The following ATP13A3 variants were observed in gnomAD, a reference collection of about 807,000 sequenced individuals.
The protein encoded by ATP13A3 is ATPase 13A3, also known as polyamine-transporting ATPase 13A3.
A neutral mutation model predicts 158.1 loss-of-function variants in ATP13A3; 59 were observed. The observed-to-expected ratio is 0.37, with a 90% confidence interval of 0.30 to 0.46. ATP13A3 has a LOEUF of 0.46. ATP13A3 is among the 20% of genes least tolerant of loss of function. The pLI is 1.00. For synonymous variants in ATP13A3, 491 were observed against 504.3 expected (o/e 0.97, Z 0.35); for missense variants, 1,166 against 1,525.2 (o/e 0.76, Z 3.92).
At chr3:194,428,766 A>G in intron 28 of ATP13A3, 79 bp downstream of exon 28, 3 of 964,794 alleles carry the variant, frequency 3.1e-6, no homozygotes, top group Non-Finnish European at 3.2e-6. Context: ...ACAATTGTTG[A>G]TGTAAATTTA....
In ATP13A3 at chr3:194,419,139, G is replaced by A. The variant is rs140324597; in HGVS notation, c.3402+740C>T. Among the ~76,000 whole-genome samples the A allele has an allele frequency of 5.2e-3, 796 of 152,228 alleles. 9 individuals are homozygous for A. The highest frequency in any genetic ancestry group is 0.018 in the African/African-American group (745 of 41,534). ...TATACAGCAATGAAAATAAAATAATGTATCAACAAACAATGTTGATGGGAG... is the reference window on the plus strand; with the variant it reads ...TATACAGCAATGAAAATAAAATAATATATCAACAAACAATGTTGATGGGAG... On this transcript the variant is annotated intron_variant, in intron 31 of 33. Coordinates refer to ENST00000645319, the MANE Select transcript of ATP13A3 (RefSeq NM_001367549.1).
chr3:194,417,108 C>T (rs550590197), intron 31 of ATP13A3, among the ~76,000 whole-genome samples: 13 of 152,140 alleles, frequency 8.5e-5, no homozygotes, highest in Non-Finnish European at 1.6e-4. Context: ...CTAATAGTTC[C>T]GAAAGGGCTT....
rs1013494051 is a variant in ATP13A3 at position 194,403,513 on chromosome 3, A to C, written c.*2406T>G. On this transcript the variant is annotated 3_prime_UTR_variant, in exon 34 of 34. Coordinates refer to ENST00000645319, the MANE Select transcript of ATP13A3 (RefSeq NM_001367549.1). ...AAAAGTTAAAAAGTTACATATCATT[A>C]TTTAACAATTACTTTCCCAGACATT... The C allele has an allele frequency of 1.3e-5, 2 of 152,258 alleles. No homozygotes were observed. The highest frequency in any genetic ancestry group is 2.9e-5 in the Non-Finnish European group (2 of 68,044). The allele number at this position is 152,258 out of a possible 1,614,324, so 9.4% of individuals were successfully genotyped here. A position where few individuals can be genotyped will look rare whatever the true frequency, so the allele number is the denominator to read the frequency against.
At chr3:194,483,911 T>C (rs1358987930) in intron 2 of ATP13A3, among the ~76,000 whole-genome samples, 1 of 152,196 alleles carries the variant, frequency 6.6e-6, no homozygotes, top group East Asian at 1.9e-4. Flanking sequence ...GAGAAAAGGA[T>C]GAGTACAACA....
At chr3:194,414,981 G>A (rs528743430) in intron 31 of ATP13A3, among the ~76,000 whole-genome samples, 5 of 152,294 alleles carry the variant, frequency 3.3e-5, no homozygotes, top group African/African-American at 1.2e-4. Context: ...GACTCTAGGG[G>A]ATATCACCAG....
chr3:194,449,160 C>G (rs1370623592), intron 11 of ATP13A3, among the ~76,000 whole-genome samples: 3 of 151,766 alleles, frequency 2.0e-5, no homozygotes, highest in Non-Finnish European at 4.4e-5. Flanking sequence ...CTCAAACAAC[C>G]ACAAACAGCC....
chr3:194,459,182 C>T, intron 6 of ATP13A3: 1 of 352,764 alleles, frequency 2.8e-6, no homozygotes, highest in South Asian at 3.1e-5. Context: ...ATGAGGTATA[C>T]TCAAAATCAC....
intron 7 of ATP13A3, 138 bp from the exon 8 acceptor site, chr3:194,456,100 C>A: frequency 2.0e-6 from 1 of 498,566 alleles, no homozygotes. Flanking sequence ...ATAATTCAAA[C>A]TCTCTACCTA....
chr3:194,479,860 T>C (rs150852654), intron 2 of ATP13A3, among the ~76,000 whole-genome samples: 1 of 152,098 alleles, frequency 6.6e-6, no homozygotes, highest in Non-Finnish European at 1.5e-5. Context: ...GAAAACAGAC[T>C]GCAAACACAC....
chr3:194,478,937 C>T (rs1261428916), intron 2 of ATP13A3, among the ~76,000 whole-genome samples: 1 of 152,134 alleles, frequency 6.6e-6, no homozygotes. Flanking sequence ...CCAACACAGT[C>T]CTAAAGGCAT....
chr3:194,448,088 T>G lies in ATP13A3; in HGVS notation c.1151-79A>C. 7.1e-7 allele frequency: 1 copy of G among 1,401,526 alleles called. No individual in the cohort carries two copies. The highest frequency in any genetic ancestry group is 9.9e-7 in the Non-Finnish European group (1 of 1,007,316). The allele number at this position is 1,401,526 out of a possible 1,614,324, so 86.8% of individuals were successfully genotyped here. A position where few individuals can be genotyped will look rare whatever the true frequency, so the allele number is the denominator to read the frequency against. On this transcript the variant is annotated intron_variant, in intron 12 of 33. Coordinates refer to ENST00000645319, the MANE Select transcript of ATP13A3 (RefSeq NM_001367549.1). The surrounding 1 kb of genome is among the most constrained non-coding windows in gnomAD (Gnocchi z 4.0). ...CTCCCAAAACAGAATCTCTCTTTTTTTTTTTTTGAGACAGAGTCTCGCTCT... is the reference window on the plus strand; with the variant it reads ...CTCCCAAAACAGAATCTCTCTTTTTGTTTTTTTGAGACAGAGTCTCGCTCT...
In ATP13A3 at chr3:194,455,962, TC is replaced by T; in HGVS notation, c.561-1del. On this transcript the variant is annotated splice_acceptor_variant, in intron 7 of 33. Transcript: ENST00000645319. LOFTEE classifies it high-confidence loss of function. ...TTTCATTTACTCCATAAAGCAGTTT[TC>T]TATAACAGGAAAATACATTCATAGT... 6.6e-7 allele frequency: 1 copy of T among 1,515,838 alleles called. No homozygotes were observed. The highest frequency in any genetic ancestry group is 9.0e-7 in the Non-Finnish European group (1 of 1,116,020). The allele number at this position is 1,515,838 out of a possible 1,614,324, so 93.9% of individuals were successfully genotyped here. A position where few individuals can be genotyped will look rare whatever the true frequency, so the allele number is the denominator to read the frequency against.
chr3:194,449,582 G>T (rs1175220963), intron 11 of ATP13A3, among the ~76,000 whole-genome samples: 1 of 151,974 alleles, frequency 6.6e-6, no homozygotes, highest in Non-Finnish European at 1.5e-5. Flanking sequence ...GGAGGCTGAG[G>T]CATAAGAGCT....
chr3:194,489,901 A>G (rs922574499), upstream of ATP13A3, among the ~76,000 whole-genome samples: 2 of 152,180 alleles, frequency 1.3e-5, no homozygotes, highest in Admixed American at 6.5e-5. The surrounding 1 kb of genome is among the most constrained non-coding windows in gnomAD (Gnocchi z 4.1). Context: ...GGCGAGAGAA[A>G]GGGAGTGGAA....
intron 2 of ATP13A3, among the ~76,000 whole-genome samples, chr3:194,464,786 A>G (rs1169872338): frequency 6.6e-6 from 1 of 152,048 alleles, no homozygotes; most frequent in African/African-American, 2.4e-5. Flanking sequence ...TGGGTTTGTT[A>G]GTTTTCTTTA....
At chr3:194,424,857 G>A (rs1716641474) in intron 30 of ATP13A3, among the ~76,000 whole-genome samples, 1 of 152,200 alleles carries the variant, frequency 6.6e-6, no homozygotes, top group South Asian at 2.1e-4. Context: ...GGTGAACACA[G>A]GCCACACCAG....
At chr3:194,478,572 G>A (rs1283745768) in intron 2 of ATP13A3, among the ~76,000 whole-genome samples, 2 of 152,174 alleles carry the variant, frequency 1.3e-5, no homozygotes, top group Admixed American at 6.5e-5. Context: ...ACTGGTGCAC[G>A]GGGTGATAGC....
At chr3:194,415,961 T>A (rs1012529680) in intron 31 of ATP13A3, among the ~76,000 whole-genome samples, 1 of 152,156 alleles carries the variant, frequency 6.6e-6, no homozygotes, top group Non-Finnish European at 1.5e-5. Flanking sequence ...AAAAGAAAAT[T>A]AAATCTGATC....
chr3:194,418,127 G>A (rs1716020188), intron 31 of ATP13A3, among the ~76,000 whole-genome samples: 1 of 152,102 alleles, frequency 6.6e-6, no homozygotes, highest in African/African-American at 2.4e-5. Flanking sequence ...AGCAATTGCT[G>A]AAACAAATGG....
Sources: allele counts gnomAD v4.1 joint callset (sites outside exome capture counted in the v4.1 genomes callset), GRCh38; gene constraint gnomAD v4.1.1; non-coding constraint Gnocchi (gnomAD v3.1); transcripts MANE v1.5; gene names NCBI Gene and HGNC (gene_info 2026-07-23, HGNC 2026-07-21).